The following VAV1 variants were observed in gnomAD, a reference collection of about 807,000 sequenced individuals.
VAV1 encodes vav guanine nucleotide exchange factor 1.
VAV1 carries 33 observed loss-of-function variants against 128.1 expected under a neutral mutation model. The observed-to-expected ratio is 0.26, with a 90% CI of 0.20 to 0.34. The LOEUF is 0.34. Among genes scored for constraint, VAV1 ranks in the 10% least tolerant of loss-of-function variants. The pLI is 1.00. For missense variants in VAV1, 715 were observed against 1,093.7 expected (o/e 0.65, Z 4.88); for synonymous variants, 394 against 409.8 (o/e 0.96, Z 0.47).
chr19:6,853,849 C>T, intron 25 of VAV1, 98 bp from the exon 26 acceptor site: 1 of 1,481,878 alleles, frequency 6.7e-7, no homozygotes, highest in Non-Finnish European at 9.1e-7. Flanking sequence ...ACTGAGGAGC[C>T]CTTTATCCTG....
At position 6,821,656 on chromosome 19, in the gene VAV1, C is replaced by T; in HGVS notation, c.356C>T (p.Pro119Leu). The part of the protein sequence containing the change: ...IYTLSALSWT[P>L]IAQNRGIMPF... The stretch of plus-strand genomic sequence containing the variant: ...ACCCTGTCTGCTCTGTCCTGGACCC[C>T]GATCGCCCAGAACAGGGGGATCATG... The change falls in exon 3 of 27, where the codon CCG becomes CTG. Residue 119 changes from proline (P) to leucine (L), a missense_variant. Pro to Leu is a moderately conservative substitution (Grantham distance 98, BLOSUM62 -3). Coordinates refer to ENST00000602142, the MANE Select transcript of VAV1 (RefSeq NM_005428.4). 2 of 1,614,158 alleles carry T rather than the reference C, an allele frequency of 1.2e-6. No homozygotes were observed. The highest frequency in any genetic ancestry group is 1.7e-6 in the Non-Finnish European group (2 of 1,180,022).
intron 6 of VAV1, among the ~76,000 whole-genome samples, chr19:6,824,797 T>C (rs1467719327): frequency 1.3e-5 from 2 of 152,200 alleles, no homozygotes; most frequent in East Asian, 3.8e-4. Flanking sequence ...CCCAAAGTGC[T>C]GGGATTGCAG....
chr19:6,774,252 C>G (rs1006361449), intron 1 of VAV1, among the ~76,000 whole-genome samples: 33 of 150,602 alleles, frequency 2.2e-4, no homozygotes, highest in Admixed American at 6.6e-5. Context: ...CTCAGCCTCC[C>G]GAGTAGCTGG....
chr19:6,845,975 A>T (rs1187519405), intron 22 of VAV1, among the ~76,000 whole-genome samples: 1 of 148,260 alleles, frequency 6.7e-6, no homozygotes, highest in Non-Finnish European at 1.5e-5. Context: ...CATATGCGTT[A>T]TATAATATAC....
chr19:6,784,348 G>T, intron 1 of VAV1: 2 of 442,312 alleles, frequency 4.5e-6, no homozygotes, highest in East Asian at 6.6e-5. Flanking sequence ...TTCAGCTGGG[G>T]ATGAGGGAGC....
chr19:6,792,780 G>C (rs1971044689), intron 1 of VAV1, among the ~76,000 whole-genome samples: 1 of 152,036 alleles, frequency 6.6e-6, no homozygotes, highest in Admixed American at 6.6e-5. Flanking sequence ...TGTCCTCCCA[G>C]GGGACATTTG....
intron 1 of VAV1, among the ~76,000 whole-genome samples, chr19:6,816,081 G>T (rs574240717): frequency 6.7e-6 from 1 of 149,550 alleles, no homozygotes; most frequent in African/African-American, 2.5e-5. Flanking sequence ...GTGCAGTGGC[G>T]CAATCTCGGC....
intron 1 of VAV1, among the ~76,000 whole-genome samples, chr19:6,804,200 G>T (rs2144735906): frequency 6.6e-6 from 1 of 151,534 alleles, no homozygotes; most frequent in East Asian, 2.0e-4. Flanking sequence ...ACGCACGGCA[G>T]GCAAGCCCCA....
chr19:6,846,272 G>T (rs1031585727), intron 22 of VAV1, among the ~76,000 whole-genome samples: 2 of 151,102 alleles, frequency 1.3e-5, no homozygotes, highest in African/African-American at 4.9e-5. Context: ...ATTAACAAGA[G>T]ATATTTACGC....
chr19:6,824,208 T>C (rs1383866519), intron 6 of VAV1, among the ~76,000 whole-genome samples: 1 of 152,168 alleles, frequency 6.6e-6, no homozygotes, highest in African/African-American at 2.4e-5. Flanking sequence ...CCCAAAGTGT[T>C]GGGATTTTGG....
intron 1 of VAV1, among the ~76,000 whole-genome samples, chr19:6,801,804 T>C (rs7251975): frequency 0.18 from 27,928 of 151,874 alleles, 4,848 homozygotes; most frequent in African/African-American, 0.46. Flanking sequence ...CGAAGGAGCG[T>C]GGAAAGCCAG....
intron 1 of VAV1, among the ~76,000 whole-genome samples, chr19:6,819,918 A>G (rs1010778948): frequency 2.0e-5 from 3 of 152,148 alleles, no homozygotes; most frequent in Non-Finnish European, 4.4e-5. Context: ...GCCATGTTAC[A>G]TGTGCCCAGC....
At chr19:6,773,142 G>T in intron 1 of VAV1, 131 bp downstream of exon 1, 1 of 1,224,434 alleles carries the variant, frequency 8.2e-7, no homozygotes, top group Non-Finnish European at 1.2e-6. Flanking sequence ...ACAGGTCCAG[G>T]GCTGGCCCAG....
chr19:6,788,015 G>T (rs2431517), intron 1 of VAV1, among the ~76,000 whole-genome samples: 16 of 151,862 alleles, frequency 1.1e-4, no homozygotes. Context: ...AGGTGGAGCT[G>T]GCAGTGAGCC....
At chr19:6,850,385 G>A (rs1972641878) in intron 23 of VAV1, among the ~76,000 whole-genome samples, 1 of 149,564 alleles carries the variant, frequency 6.7e-6, no homozygotes, top group Non-Finnish European at 1.5e-5. Flanking sequence ...TGGAAGGGGA[G>A]GTCTCTTCGT....
Position 6,781,710 on chromosome 19 carries a change from T to C in VAV1, c.204+8699T>C, listed in dbSNP as rs551428435. 3.3e-5 allele frequency among the ~76,000 whole-genome samples: 5 copies of C among 151,906 alleles called. No homozygotes were observed. The South Asian group carries it at 1.0e-3, about 32-fold the overall frequency. On this transcript the variant is annotated intron_variant, in intron 1 of 26. Coordinates refer to ENST00000602142, the MANE Select transcript of VAV1 (RefSeq NM_005428.4). Reference sequence around the variant, plus strand: ...GCAACCTCCGCCTCCCAGGTTCAAGTGATTCTCGTGCCTCAGCCTCACAAG... The same window carrying C: ...GCAACCTCCGCCTCCCAGGTTCAAGCGATTCTCGTGCCTCAGCCTCACAAG...
chr19:6,849,279 T>C (rs1023575749), intron 23 of VAV1, among the ~76,000 whole-genome samples: 8 of 135,964 alleles, frequency 5.9e-5, no homozygotes, highest in Non-Finnish European at 1.2e-4. Flanking sequence ...GTCTACTGTT[T>C]CCAGCCTTTT....
intron 6 of VAV1, among the ~76,000 whole-genome samples, chr19:6,824,357 T>C (rs972841513): frequency 2.6e-5 from 4 of 152,204 alleles, no homozygotes; most frequent in Non-Finnish European, 5.9e-5. Context: ...GCTGTCTCTG[T>C]GGATTGGCCT....
chr19:6,841,587 G>T (rs1972378946), intron 21 of VAV1, among the ~76,000 whole-genome samples: 1 of 150,158 alleles, frequency 6.7e-6, no homozygotes, highest in Non-Finnish European at 1.5e-5. Context: ...CAATTCTCCT[G>T]CCTCAGCCTT....
Sources: gnomAD v4.1 joint callset for allele counts (sites outside exome capture counted in the v4.1 genomes callset) on GRCh38, gnomAD v4.1.1 for gene constraint, MANE v1.5 for transcripts, NCBI Gene and HGNC (gene_info 2026-07-23, HGNC 2026-07-21) for gene names.